Variants in SLC38A9 observed in about 807,000 individuals in gnomAD.
SLC38A9 encodes solute carrier family 38 member 9.
Under a neutral mutation model 62.3 loss-of-function variants are expected in SLC38A9, and 48 were observed. The observed-to-expected ratio is 0.77, with a 90% CI of 0.61 to 0.98. The LOEUF (loss-of-function observed/expected upper bound fraction) is 0.98. SLC38A9 is among the 50% of genes least tolerant of loss of function. SLC38A9 has a pLI of 0.00. For synonymous variants in SLC38A9, 204 were observed against 227.7 expected (o/e 0.90, Z 0.94); for missense variants, 541 against 679.8 (o/e 0.80, Z 2.27).
chr5:55,647,540 C>G (rs11744241), intron 11 of SLC38A9, among the ~76,000 whole-genome samples: 1 of 151,942 alleles, frequency 6.6e-6, no homozygotes, highest in African/African-American at 2.4e-5. Context: ...AAAATAAGAT[C>G]TATTAGTTTT....
At chr5:55,673,403 C>T (rs1751633676) in intron 3 of SLC38A9, 1 of 152,200 alleles carries the variant, frequency 6.6e-6, no homozygotes, top group South Asian at 2.1e-4. Flanking sequence ...CTCTTCAGTT[C>T]CTTTCTGAAA....
chr5:55,635,066 T>A (rs1180730264), intron 13 of SLC38A9: 3 of 153,042 alleles, frequency 2.0e-5, no homozygotes, highest in African/African-American at 7.2e-5. Context: ...TTGCTGCCTG[T>A]CACTCAATAT....
In SLC38A9 at chr5:55,649,303, C is replaced by G; in HGVS notation, c.964G>C (p.Val322Leu). ...SKFNILGTVS[V>L]LYLIFLVTFK... ...GTGACAAGGAAAATCAAATAAAGGA[C>G]AGACACTGTGCCTGTGAGGAAAAAA... Residue 322 changes from valine to leucine, a missense_variant, in exon 11 of 16, where the codon GTC (valine) becomes CTC (leucine). By Grantham distance (32) the Val-to-Leu change is conservative. Coordinates refer to ENST00000396865, the MANE Select transcript of SLC38A9 (RefSeq NM_173514.4). 6.3e-7 allele frequency: 1 copy of G among 1,587,864 alleles called. No homozygotes were observed. The highest frequency in any genetic ancestry group is 8.5e-7 in the Non-Finnish European group (1 of 1,169,810).
intron 11 of SLC38A9, among the ~76,000 whole-genome samples, chr5:55,646,151 G>A (rs1006474839): frequency 4.6e-5 from 7 of 152,300 alleles, no homozygotes; most frequent in Middle Eastern, 3.4e-3. Context: ...CAAGGTGGGC[G>A]GATCACCTGA....
intron 2 of SLC38A9, chr5:55,702,695 T>A (rs540197508): frequency 6.6e-6 from 1 of 152,212 alleles, no homozygotes; most frequent in Non-Finnish European, 1.5e-5. Context: ...AAGTGAAAAA[T>A]TTTTCTTCAG....
intron 11 of SLC38A9, among the ~76,000 whole-genome samples, chr5:55,647,187 A>T (rs199757605): frequency 2.1e-5 from 2 of 94,544 alleles, no homozygotes; most frequent in East Asian, 2.5e-4. Context: ...TTTATTTTTT[A>T]TTTTTTTTTG....
Position 55,652,532 on chromosome 5 carries a change from G to T in SLC38A9, c.949C>A (p.Leu317Ile). The T allele has an allele frequency of 6.3e-7, 1 of 1,593,306 alleles. No homozygotes were observed. The highest frequency in any genetic ancestry group is 8.6e-7 in the Non-Finnish European group (1 of 1,167,934). ...SPSFFSKFNI[L>I]GTVSVLYLIF... ...ATAATTCAGTGCTACTACTTACCTA[G>T]GATATTAAATTTTGAAAAAAATGAA... The change falls in exon 10 of 16, where the codon CTA (leucine) becomes ATA (isoleucine). Residue 317 changes from leucine (L) to isoleucine (I), a missense_variant. Physicochemically the swap from Leu to Ile is conservative, Grantham distance 5. Coordinates refer to ENST00000396865, the MANE Select transcript of SLC38A9 (RefSeq NM_173514.4).
At chr5:55,707,911 C>T (rs765681281) in intron 2 of SLC38A9, among the ~76,000 whole-genome samples, 1 of 152,142 alleles carries the variant, frequency 6.6e-6, no homozygotes, top group African/African-American at 2.4e-5. Flanking sequence ...TTTGTCTTTC[C>T]ATCCCTTCCC....
chr5:55,662,897 C>CTT (rs34571635), intron 8 of SLC38A9, among the ~76,000 whole-genome samples: 2 of 141,572 alleles, frequency 1.4e-5, no homozygotes, highest in African/African-American at 2.6e-5. Context: ...GTCTATAATT[C>CTT]TTTTTTTTTT....
At chr5:55,643,907 G>A (rs1018139867) in intron 12 of SLC38A9, among the ~76,000 whole-genome samples, 3 of 152,122 alleles carry the variant, frequency 2.0e-5, no homozygotes, top group Non-Finnish European at 4.4e-5. Context: ...TAAATTCCTT[G>A]TAGACAACAT....
At chr5:55,634,200 AC>A (rs1398327805) in intron 13 of SLC38A9, 3 of 220,524 alleles carry the variant, frequency 1.4e-5, no homozygotes, top group African/African-American at 6.9e-5. Context: ...TTTGTCCTTC[AC>A]CACAGATAGA....
At chr5:55,648,772 T>G (rs1746846836) in intron 11 of SLC38A9, among the ~76,000 whole-genome samples, 1 of 152,162 alleles carries the variant, frequency 6.6e-6, no homozygotes, top group Non-Finnish European at 1.5e-5. Flanking sequence ...AGATAAATGT[T>G]TGAGGTGATG....
At position 55,626,230 on chromosome 5, in the gene SLC38A9, C is replaced by A; in HGVS notation, c.*264G>T. On this transcript the variant is annotated 3_prime_UTR_variant, in exon 16 of 16. Coordinates refer to ENST00000396865, the MANE Select transcript of SLC38A9 (RefSeq NM_173514.4). ...AACCCAGCATGATTTCTTCCTAGGG[C>A]ATACATTTCTATTCAGAAAAGACCA... 3.7e-6 allele frequency: 1 copy of A among 273,300 alleles called. No individual in the cohort carries two copies. The highest frequency in any genetic ancestry group is 6.9e-6 in the Non-Finnish European group (1 of 145,440). 16.9% of individuals were successfully genotyped at this position (273,300 alleles called of 1,614,324 possible). A position where few individuals can be genotyped will look rare whatever the true frequency, so the allele number is the denominator to read the frequency against.
At chr5:55,635,119 G>T in intron 13 of SLC38A9, 1 of 168,004 alleles carries the variant, frequency 6.0e-6, no homozygotes, top group Non-Finnish European at 1.3e-5. Flanking sequence ...GATAAACAAA[G>T]ACTCTAGTTT....
chr5:55,686,679 T>C (rs1326704828), intron 3 of SLC38A9, among the ~76,000 whole-genome samples: 2 of 152,218 alleles, frequency 1.3e-5, no homozygotes, highest in African/African-American at 2.4e-5. Context: ...ATCTTCATCA[T>C]GAAATCTTTG....
intron 2 of SLC38A9, among the ~76,000 whole-genome samples, chr5:55,702,415 C>A (rs1240258197): frequency 6.6e-6 from 1 of 151,874 alleles, no homozygotes; most frequent in Non-Finnish European, 1.5e-5. Flanking sequence ...GTGTGCACCA[C>A]CATGCCTGGC....
intron 4 of SLC38A9, among the ~76,000 whole-genome samples, chr5:55,670,288 T>C (rs1751095759): frequency 6.6e-6 from 1 of 152,122 alleles, no homozygotes; most frequent in Non-Finnish European, 1.5e-5. Flanking sequence ...ATTTTAACTA[T>C]CATAAACAAG....
chr5:55,707,253 T>C (rs1757411337), intron 2 of SLC38A9, among the ~76,000 whole-genome samples: 1 of 152,120 alleles, frequency 6.6e-6, no homozygotes, highest in Non-Finnish European at 1.5e-5. Flanking sequence ...ATGACTTAGG[T>C]TGAGAGGTGA....
At chr5:55,671,540 C>A (rs186976679) in intron 4 of SLC38A9, among the ~76,000 whole-genome samples, 23 of 145,218 alleles carry the variant, frequency 1.6e-4, no homozygotes, top group African/African-American at 5.3e-4. Flanking sequence ...GGTCACATGG[C>A]CGGGCACAGT....
Sources: gnomAD v4.1 joint callset for allele counts (sites outside exome capture counted in the v4.1 genomes callset) on GRCh38, gnomAD v4.1.1 for gene constraint, MANE v1.5 for transcripts, NCBI Gene and HGNC (gene_info 2026-07-23, HGNC 2026-07-21) for gene names.